The following EPHB1 variants were observed in gnomAD, a reference collection of about 807,000 sequenced individuals.
EPHB1 encodes EPH receptor B1, also known as ephrin type-B receptor 1.
EPHB1 carries 30 observed loss-of-function variants against 94.4 expected under a neutral mutation model. The ratio of observed to expected loss-of-function variants is 0.32; its 90% CI spans 0.24 to 0.43. The LOEUF is 0.43. Among genes scored for constraint, EPHB1 ranks in the 20% least tolerant of loss-of-function variants. The pLI is 1.00. For synonymous variants in EPHB1, 522 were observed against 489.1 expected, an observed-to-expected ratio of 1.07 and a Z score of -0.89; for missense variants, 1,055 against 1,308.3, an observed-to-expected ratio of 0.81 and a Z score of 2.99.
chr3:134,934,494 G>A (rs1158266637), intron 2 of EPHB1, among the ~76,000 whole-genome samples: 1 of 152,188 alleles, frequency 6.6e-6, no homozygotes, highest in African/African-American at 2.4e-5. Context: ...TGAGCAGCAA[G>A]GCCACTGCTC....
chr3:134,877,893 A>G (rs1272810672), intron 1 of EPHB1, among the ~76,000 whole-genome samples: 1 of 152,170 alleles, frequency 6.6e-6, no homozygotes, highest in Admixed American at 6.5e-5. Flanking sequence ...CAGCAAGAGG[A>G]GTCCTCTTCC....
At chr3:135,176,561 G>A (rs1270653573) in intron 9 of EPHB1, among the ~76,000 whole-genome samples, 2 of 152,138 alleles carry the variant, frequency 1.3e-5, no homozygotes, top group Non-Finnish European at 2.9e-5. Context: ...AATTCTACAA[G>A]CTAGCAAAGC....
intron 9 of EPHB1, among the ~76,000 whole-genome samples, chr3:135,174,898 T>C (rs1941931040): frequency 6.6e-6 from 1 of 152,222 alleles, no homozygotes; most frequent in Admixed American, 6.5e-5. Flanking sequence ...AAATACAGCC[T>C]AATGCACTAC....
intron 1 of EPHB1, among the ~76,000 whole-genome samples, chr3:134,855,394 A>G (rs2037090861): frequency 6.6e-6 from 1 of 152,210 alleles, no homozygotes; most frequent in African/African-American, 2.4e-5. Flanking sequence ...AGGGGGTTTC[A>G]GACACACTGG....
chr3:134,856,199 C>T (rs998866294), intron 1 of EPHB1, among the ~76,000 whole-genome samples: 3 of 152,166 alleles, frequency 2.0e-5, no homozygotes, highest in African/African-American at 4.8e-5. Flanking sequence ...GGCTTTGAGA[C>T]GTCTAGACAG....
At chr3:135,083,603 GAGTGTATGGA>G (rs1038015867) in intron 3 of EPHB1, among the ~76,000 whole-genome samples, 5 of 152,040 alleles carry the variant, frequency 3.3e-5, no homozygotes, top group Admixed American at 2.0e-4. Flanking sequence ...AGAGTAAGGG[GAGTGTATGGA>G]GGGGGGATTA....
chr3:135,042,375 C>T (rs536426294), intron 3 of EPHB1, among the ~76,000 whole-genome samples: 1 of 152,292 alleles, frequency 6.6e-6, no homozygotes, highest in South Asian at 2.1e-4. Flanking sequence ...ATATGCTTTT[C>T]AGGAGACACA....
chr3:134,941,062 A>G (rs1017080305), intron 2 of EPHB1, among the ~76,000 whole-genome samples: 3 of 152,248 alleles, frequency 2.0e-5, no homozygotes, highest in African/African-American at 7.2e-5. Context: ...CAGGCCCTGT[A>G]GAAATGGTTT....
rs544674312 is a variant in EPHB1 at position 134,886,967 on chromosome 3, G to GA, written c.59-38841dup. On this transcript the variant is annotated intron_variant, in intron 1 of 15. Coordinates refer to ENST00000398015, the MANE Select transcript of EPHB1 (RefSeq NM_004441.5). ...CATCTGGGAGGAAATAGGGAAATAG[G>GA]AAAAAAAATTGGAGATATATAATCA... Among the ~76,000 whole-genome samples, 218 of 151,922 alleles carry GA rather than the reference G, an allele frequency of 1.4e-3. 2 individuals are homozygous for GA. Among genetic ancestry groups the GA allele is most frequent in the East Asian group, 0.013 (65 of 5,172 alleles).
intron 7 of EPHB1, 43 bp downstream of exon 7, chr3:135,162,223 G>C (rs1414658739): frequency 6.6e-7 from 1 of 1,515,660 alleles, no homozygotes; most frequent in Admixed American, 2.0e-5. Flanking sequence ...AGGGCAGGCA[G>C]TGTGGGAGAA....
At chr3:135,098,945 G>A (rs368013748) in intron 3 of EPHB1, among the ~76,000 whole-genome samples, 366 of 150,104 alleles carry the variant, frequency 2.4e-3, no homozygotes, top group African/African-American at 8.0e-3. Context: ...CCTGGGAGGC[G>A]GAGGTTGCGG....
chr3:135,103,785 C>G (rs947295629), intron 3 of EPHB1, among the ~76,000 whole-genome samples: 1 of 152,102 alleles, frequency 6.6e-6, no homozygotes, highest in African/African-American at 2.4e-5. Context: ...TCAACCACTC[C>G]CCAAGCTTCT....
intron 12 of EPHB1, among the ~76,000 whole-genome samples, chr3:135,210,922 A>G (rs565739575): frequency 6.6e-6 from 1 of 152,272 alleles, no homozygotes; most frequent in East Asian, 1.9e-4. Flanking sequence ...CATCTTTGCC[A>G]CTGGCTCTAC....
intron 1 of EPHB1, among the ~76,000 whole-genome samples, chr3:134,883,429 C>T (rs1322149343): frequency 6.6e-6 from 1 of 152,120 alleles, no homozygotes; most frequent in Non-Finnish European, 1.5e-5. Flanking sequence ...GTGAGCATTC[C>T]GTCCCACACA....
At chr3:134,955,071 C>CTTTTTTTTTTTTTTTTTTTTTTTTT (rs1197013147) in intron 3 of EPHB1, among the ~76,000 whole-genome samples, 1 of 8,414 alleles carries the variant, frequency 1.2e-4, no homozygotes, top group African/African-American at 4.3e-4. Flanking sequence ...GACATCCTTT[C>CTTTTTTTTTTTTTTTTTTTTTTTTT]TTTTTTTTTT....
chr3:135,069,660 G>T (rs1937639333), intron 3 of EPHB1, among the ~76,000 whole-genome samples: 1 of 152,074 alleles, frequency 6.6e-6, no homozygotes, highest in East Asian at 1.9e-4. Flanking sequence ...GTGCTGCCCT[G>T]GTTTCTGGAG....
chr3:135,145,681 G>A (rs1940987777), intron 5 of EPHB1, among the ~76,000 whole-genome samples: 1 of 152,096 alleles, frequency 6.6e-6, no homozygotes, highest in Admixed American at 6.5e-5. Flanking sequence ...GATGGGGAGG[G>A]ACCCAGCCTG....
intron 7 of EPHB1, among the ~76,000 whole-genome samples, chr3:135,165,287 A>G (rs1258696188): frequency 6.6e-6 from 1 of 152,212 alleles, no homozygotes; most frequent in Non-Finnish European, 1.5e-5. Context: ...GAAGGACTAA[A>G]TCGTGTGTCC....
At chr3:134,805,090 G>A (rs2036012152) in intron 1 of EPHB1, among the ~76,000 whole-genome samples, 1 of 152,198 alleles carries the variant, frequency 6.6e-6, no homozygotes, top group African/African-American at 2.4e-5. Flanking sequence ...TGACGCTGAG[G>A]CTGAAGCCGG....
Sources: allele counts gnomAD v4.1 joint callset (sites outside exome capture counted in the v4.1 genomes callset), GRCh38; gene constraint gnomAD v4.1.1; transcripts MANE v1.5; gene names NCBI Gene and HGNC (gene_info 2026-07-23, HGNC 2026-07-21).